The following MACROD2 variants were observed in gnomAD, a reference collection of about 807,000 sequenced individuals.
The protein encoded by MACROD2 is mono-ADP ribosylhydrolase 2.
In MACROD2, 36 loss-of-function variants were observed where a neutral mutation model predicts 70.4. The observed-to-expected ratio is 0.51, with a 90% confidence interval of 0.39 to 0.68. The LOEUF (loss-of-function observed/expected upper bound fraction) is 0.68. MACROD2 is among the 30% of genes least tolerant of loss of function. MACROD2 has a pLI of 0.00. For missense variants in MACROD2, 496 were observed against 538.4 expected, an observed-to-expected ratio of 0.92 and a Z score of 0.78; for synonymous variants, 172 against 178.8, an observed-to-expected ratio of 0.96 and a Z score of 0.30.
chr20:14,061,841 G>A (rs1404797940), intron 2 of MACROD2, among the ~76,000 whole-genome samples: 2 of 152,090 alleles, frequency 1.3e-5, no homozygotes, highest in Admixed American at 1.3e-4. Flanking sequence ...ACAAAAGTCT[G>A]TTGGGCTTCT....
intron 6 of MACROD2, among the ~76,000 whole-genome samples, chr20:15,249,320 C>A (rs978415269): frequency 6.6e-6 from 1 of 152,202 alleles, no homozygotes; most frequent in Non-Finnish European, 1.5e-5. Flanking sequence ...TCTCTACTCT[C>A]TCCCAGCCAC....
intron 6 of MACROD2, among the ~76,000 whole-genome samples, chr20:15,419,420 G>A (rs2046198399): frequency 6.6e-6 from 1 of 152,158 alleles, no homozygotes; most frequent in Non-Finnish European, 1.5e-5. Context: ...AATGGGCTTG[G>A]AGAAGGATGA....
intron 3 of MACROD2, among the ~76,000 whole-genome samples, chr20:14,107,890 C>T (rs1191246807): frequency 6.6e-6 from 1 of 152,110 alleles, no homozygotes; most frequent in East Asian, 1.9e-4. Flanking sequence ...GGGAGTTCTT[C>T]AGTCTGAAAT....
intron 5 of MACROD2, among the ~76,000 whole-genome samples, chr20:15,033,782 T>C (rs142463193): frequency 7.7e-4 from 118 of 152,304 alleles, no homozygotes; most frequent in African/African-American, 2.7e-3. Flanking sequence ...GAAAAGATCC[T>C]CTACAGTGAC....
At chr20:15,996,469 G>T (rs574108988) in intron 15 of MACROD2, among the ~76,000 whole-genome samples, 2 of 152,124 alleles carry the variant, frequency 1.3e-5, no homozygotes, top group South Asian at 4.2e-4. Flanking sequence ...GAATTAACCT[G>T]GTCCTGGGCT....
chr20:15,419,752 C>T (rs570553359), intron 6 of MACROD2, among the ~76,000 whole-genome samples: 9 of 152,312 alleles, frequency 5.9e-5, no homozygotes, highest in South Asian at 4.1e-4. Flanking sequence ...CTGCACTTCC[C>T]GCCTCTTAGT....
chr20:14,038,523 C>T (rs1391235586), intron 2 of MACROD2, among the ~76,000 whole-genome samples: 1 of 152,218 alleles, frequency 6.6e-6, no homozygotes, highest in Non-Finnish European at 1.5e-5. Context: ...CCCAGACCTT[C>T]TATCCTCTTC....
At chr20:14,423,683 GA>G (rs1371190496) in intron 3 of MACROD2, among the ~76,000 whole-genome samples, 3 of 126,330 alleles carry the variant, frequency 2.4e-5, no homozygotes, top group Non-Finnish European at 3.3e-5. Context: ...CTGGACGACA[GA>G]GCGAGACTCT....
At chr20:14,778,181 A>G (rs867056185) in intron 5 of MACROD2, among the ~76,000 whole-genome samples, 1 of 152,236 alleles carries the variant, frequency 6.6e-6, no homozygotes. Context: ...TCACTGCTTC[A>G]TGTTGCGAGA....
chr20:14,985,168 G>A (rs2074837210), intron 5 of MACROD2, among the ~76,000 whole-genome samples: 1 of 152,156 alleles, frequency 6.6e-6, no homozygotes. Flanking sequence ...TCCCAAGACA[G>A]CCACCACTTG....
intron 3 of MACROD2, among the ~76,000 whole-genome samples, chr20:14,428,567 T>G (rs2083961046): frequency 6.6e-6 from 1 of 152,142 alleles, no homozygotes; most frequent in Admixed American, 6.6e-5. Context: ...TAAGATGAAT[T>G]TGGTTTAAAT....
intron 3 of MACROD2, among the ~76,000 whole-genome samples, chr20:14,406,414 TG>T (rs1370620062): frequency 6.6e-6 from 1 of 152,182 alleles, no homozygotes; most frequent in East Asian, 1.9e-4. Context: ...GATGGAGAGT[TG>T]GGTAGAGAAT....
chr20:15,314,797 A>G (rs997272789), intron 6 of MACROD2, among the ~76,000 whole-genome samples: 3 of 152,218 alleles, frequency 2.0e-5, no homozygotes, highest in African/African-American at 7.2e-5. Flanking sequence ...AAAACTGGAA[A>G]GATAGTTTAT....
At chr20:14,847,502 T>C (rs912073312) in intron 5 of MACROD2, among the ~76,000 whole-genome samples, 1 of 150,414 alleles carries the variant, frequency 6.6e-6, no homozygotes, top group African/African-American at 2.4e-5. Context: ...TTTTTTTTTT[T>C]TTTGATGTTC....
intron 6 of MACROD2, among the ~76,000 whole-genome samples, chr20:15,359,886 C>A (rs1223150313): frequency 1.3e-5 from 2 of 152,126 alleles, no homozygotes; most frequent in Non-Finnish European, 2.9e-5. Context: ...AATGTGTTTA[C>A]ATAGTTCCGT....
At chr20:14,485,149 T>TACACACACACATACACAGAC (rs2084707592) in intron 3 of MACROD2, among the ~76,000 whole-genome samples, 1 of 151,826 alleles carries the variant, frequency 6.6e-6, no homozygotes, top group Non-Finnish European at 1.5e-5. Flanking sequence ...AGTATGTGGA[T>TACACACACACATACACAGAC]ACACACACAC....
chr20:14,417,311 C>T (rs1036347086), intron 3 of MACROD2, among the ~76,000 whole-genome samples: 5 of 152,106 alleles, frequency 3.3e-5, no homozygotes, highest in African/African-American at 9.7e-5. Flanking sequence ...AAGATAGATA[C>T]TTTGAAAACT....
intron 8 of MACROD2, among the ~76,000 whole-genome samples, chr20:15,812,846 A>G (rs1025165076): frequency 1.3e-5 from 2 of 152,136 alleles, no homozygotes; most frequent in Non-Finnish European, 2.9e-5. Flanking sequence ...CTAGAGCCAC[A>G]TTTTTTACAA....
At chr20:14,207,336 G>T (rs994984065) in intron 3 of MACROD2, among the ~76,000 whole-genome samples, 1 of 152,080 alleles carries the variant, frequency 6.6e-6, no homozygotes, top group Admixed American at 6.5e-5. Context: ...TCTTGACCTC[G>T]TGGTCCGCCC....
Sources: allele counts gnomAD v4.1 joint callset (sites outside exome capture counted in the v4.1 genomes callset), GRCh38; gene constraint gnomAD v4.1.1; transcripts MANE v1.5; gene names NCBI Gene and HGNC (gene_info 2026-07-23, HGNC 2026-07-21).